Variants in GTF2E1 observed in about 807,000 individuals in gnomAD.
GTF2E1 encodes TFIIE alpha subunit.
A neutral mutation model predicts 34.9 loss-of-function variants in GTF2E1; 14 were observed. That is an observed-to-expected ratio of 0.40 (90% CI 0.27 to 0.63). GTF2E1 has a LOEUF of 0.63. GTF2E1 is among the 20% of genes least tolerant of loss of function. GTF2E1 has a pLI of 0.39. For missense variants in GTF2E1, 469 were observed against 557.7 expected, an observed-to-expected ratio of 0.84 and a Z score of 1.60; for synonymous variants, 188 against 192.9, an observed-to-expected ratio of 0.97 and a Z score of 0.21.
intron 1 of GTF2E1, chr3:120,749,626 A>G (rs1241333547): frequency 1.3e-5 from 2 of 152,162 alleles, no homozygotes; most frequent in African/African-American, 4.8e-5. Flanking sequence ...GGTGGATAAT[A>G]AGCTTTTTGA....
chr3:120,776,095 A>G (rs1376892363), intron 3 of GTF2E1, among the ~76,000 whole-genome samples: 3 of 152,204 alleles, frequency 2.0e-5, no homozygotes, highest in Non-Finnish European at 4.4e-5. Flanking sequence ...CTTTAAGTAG[A>G]TGATGTCACC....
chr3:120,761,420 T>A (rs1017373750), intron 2 of GTF2E1, among the ~76,000 whole-genome samples: 10 of 152,198 alleles, frequency 6.6e-5, no homozygotes, highest in African/African-American at 2.2e-4. Context: ...CTTTATCTCC[T>A]TCAGTTCTGC....
At chr3:120,769,824 T>C (rs375981659) in intron 2 of GTF2E1, among the ~76,000 whole-genome samples, 70 of 152,284 alleles carry the variant, frequency 4.6e-4, no homozygotes, top group African/African-American at 1.6e-3. Flanking sequence ...TTCTCACTTA[T>C]TTGGGATAGA....
intron 1 of GTF2E1, among the ~76,000 whole-genome samples, chr3:120,746,454 A>G (rs761157600): frequency 6.6e-6 from 1 of 151,418 alleles, no homozygotes; most frequent in African/African-American, 2.4e-5. Context: ...GCGCCACTGC[A>G]CTCCAGCCTA....
rs750186184 is a variant in GTF2E1 at position 120,781,450 on chromosome 3, T to C, written c.1300T>C (p.Phe434Leu). 2 of 1,612,460 alleles carry C rather than the reference T, an allele frequency of 1.2e-6. No homozygotes were observed. Among genetic ancestry groups the C allele is most frequent in the Admixed American group, 1.7e-5 (1 of 60,002 alleles). The stretch of plus-strand genomic sequence containing the variant: ...ATATATAGCAATGGGACAACGCATG[T>C]TTGAGGACCTCTTTGAGTGAGCTTT... ...EAYIAMGQRM[F>L]EDLFE is the part of the protein sequence containing the mutation. Residue 434 changes from phenylalanine to leucine, a missense_variant, in exon 5 of 5, where the codon TTT becomes CTT. Transcript: ENST00000283875.
In GTF2E1 at chr3:120,776,604, C is replaced by A; in HGVS notation, c.832C>A (p.Pro278Thr). The A allele has an allele frequency of 1.2e-6, 2 of 1,611,706 alleles. No individual in the cohort carries two copies. Among genetic ancestry groups the A allele is most frequent in the Non-Finnish European group, 1.7e-6 (2 of 1,177,900 alleles). ...GGAAGGGAAATCTGCCAAAGAGAGG[C>A]CTATTTGGTTGAGAGAAAGCACTGT... ...SLEGKSAKERPIWLRESTVQG... is the reference protein window; with the variant it reads ...SLEGKSAKERTIWLRESTVQG... Residue 278 changes from proline (P) to threonine (T), a missense_variant, in exon 4 of 5, where the codon CCT becomes ACT. Transcript: ENST00000283875.
chr3:120,753,703 TTACCA>T (rs1255180117), intron 2 of GTF2E1, among the ~76,000 whole-genome samples: 1 of 152,138 alleles, frequency 6.6e-6, no homozygotes. Context: ...CAAGGATTGT[TTACCA>T]TTGTTAATTC....
chr3:120,762,252 C>G (rs1353204453), intron 2 of GTF2E1, among the ~76,000 whole-genome samples: 1 of 152,098 alleles, frequency 6.6e-6, no homozygotes, highest in African/African-American at 2.4e-5. Flanking sequence ...GAGCTGAGTT[C>G]AAGTCCTGGA....
At chr3:120,780,402 G>A (rs551808403) in intron 4 of GTF2E1, among the ~76,000 whole-genome samples, 3 of 152,308 alleles carry the variant, frequency 2.0e-5, no homozygotes, top group Admixed American at 6.5e-5. Flanking sequence ...AGCTGTGTGA[G>A]TACCTAAAGG....
intron 4 of GTF2E1, 27 bp from the exon 5 acceptor site, chr3:120,781,016 A>G: frequency 6.7e-7 from 1 of 1,498,658 alleles, no homozygotes; most frequent in Non-Finnish European, 9.1e-7. Flanking sequence ...ATTTAAGGAT[A>G]TTGACTTTCT....
intron 3 of GTF2E1, among the ~76,000 whole-genome samples, chr3:120,773,118 G>T (rs1057133463): frequency 1.3e-5 from 2 of 151,866 alleles, no homozygotes; most frequent in African/African-American, 4.8e-5. Context: ...CTGCCAGCCA[G>T]ACCAAAGTAA....
intron 2 of GTF2E1, among the ~76,000 whole-genome samples, chr3:120,770,432 AT>A (rs2107611550): frequency 6.6e-6 from 1 of 152,284 alleles, no homozygotes; most frequent in Non-Finnish European, 1.5e-5. Flanking sequence ...GCTGTAAAGA[AT>A]TTGGCTTTAA....
chr3:120,779,230 C>CT (rs1036391802), intron 4 of GTF2E1, among the ~76,000 whole-genome samples: 2 of 152,116 alleles, frequency 1.3e-5, no homozygotes, highest in Non-Finnish European at 2.9e-5. Flanking sequence ...AACTAATTTT[C>CT]TTTTTCCCTA....
At chr3:120,754,293 G>C (rs1479632967) in intron 2 of GTF2E1, among the ~76,000 whole-genome samples, 1 of 152,112 alleles carries the variant, frequency 6.6e-6, no homozygotes, top group Non-Finnish European at 1.5e-5. Context: ...CATAATGCCA[G>C]AGACAAATTT....
intron 1 of GTF2E1, 82 bp from the exon 2 acceptor site, chr3:120,750,441 A>G (rs1709154669): frequency 1.3e-6 from 1 of 781,732 alleles, no homozygotes; most frequent in Non-Finnish European, 2.1e-6. Flanking sequence ...CACTTTGGGT[A>G]CTTTTCTGGC....
At chr3:120,779,040 A>T (rs1049681624) in intron 4 of GTF2E1, among the ~76,000 whole-genome samples, 2 of 152,134 alleles carry the variant, frequency 1.3e-5, no homozygotes, top group Non-Finnish European at 2.9e-5. Context: ...TGTAATTTAT[A>T]ACTCTGTTGA....
chr3:120,763,027 C>T (rs964115284), intron 2 of GTF2E1, among the ~76,000 whole-genome samples: 3 of 152,120 alleles, frequency 2.0e-5, no homozygotes, highest in African/African-American at 7.2e-5. Flanking sequence ...GCTCTGTTTA[C>T]ATCTTCAGAA....
chr3:120,768,951 C>G (rs1005141986), intron 2 of GTF2E1, among the ~76,000 whole-genome samples: 17 of 152,116 alleles, frequency 1.1e-4, no homozygotes, highest in African/African-American at 3.9e-4. Flanking sequence ...CTGGTTGCAC[C>G]ATTTCTCTTT....
Position 120,781,687 on chromosome 3 carries a change from G to T in GTF2E1, c.*217G>T. The T allele has an allele frequency of 2.1e-6, 1 of 475,866 alleles. No homozygotes were observed. The highest frequency in any genetic ancestry group is 3.7e-6 in the Non-Finnish European group (1 of 267,854). 29.5% of individuals were successfully genotyped at this position (475,866 alleles called of 1,614,324 possible). On this transcript the variant is annotated 3_prime_UTR_variant, in exon 5 of 5. Transcript: ENST00000283875. ...CCTACCCTTCCTTGCTGTCACTACAGTATTAATATTTTACTGTATTTTCTT... is the reference window on the plus strand; with the variant it reads ...CCTACCCTTCCTTGCTGTCACTACATTATTAATATTTTACTGTATTTTCTT...
Sources: gnomAD v4.1 joint callset for allele counts (sites outside exome capture counted in the v4.1 genomes callset) on GRCh38, gnomAD v4.1.1 for gene constraint, MANE v1.5 for transcripts, NCBI Gene and HGNC (gene_info 2026-07-23, HGNC 2026-07-21) for gene names.